Variants in NTNG1 observed in about 807,000 individuals in gnomAD.
The protein encoded by NTNG1 is netrin-G1.
NTNG1 carries 16 observed loss-of-function variants against 54.0 expected under a neutral mutation model. The observed-to-expected ratio is 0.30, with a 90% CI of 0.20 to 0.45. The LOEUF is 0.45. Ranked by LOEUF, NTNG1 falls within the 20% of genes least tolerant of loss-of-function variation. The probability of loss-of-function intolerance (pLI) is 1.00; values close to 1 mark genes in which losing one functional copy is unlikely to be tolerated. For missense variants in NTNG1, 530 were observed against 678.7 expected (o/e 0.78, Z 2.43); for synonymous variants, 255 against 263.1 (o/e 0.97, Z 0.30).
chr1:107,421,591 T>C (rs190911798), intron 5 of NTNG1, among the ~76,000 whole-genome samples: 48 of 152,178 alleles, frequency 3.2e-4, no homozygotes, highest in Non-Finnish European at 1.5e-4. Flanking sequence ...TTCCAAAAAA[T>C]TGTTTCGAAT....
intron 2 of NTNG1, among the ~76,000 whole-genome samples, chr1:107,242,915 G>A (rs1022060163): frequency 6.6e-6 from 1 of 152,212 alleles, no homozygotes. Context: ...CCTTATTTGA[G>A]AAGAAATAAT....
intron 3 of NTNG1, among the ~76,000 whole-genome samples, chr1:107,380,940 A>T (rs1436118569): frequency 6.6e-6 from 1 of 152,184 alleles, no homozygotes; most frequent in East Asian, 1.9e-4. Flanking sequence ...AGAAAATCTG[A>T]TGACCCTGGA....
intron 7 of NTNG1, among the ~76,000 whole-genome samples, chr1:107,439,012 G>A (rs900266008): frequency 8.5e-5 from 13 of 152,252 alleles, no homozygotes; most frequent in Middle Eastern, 6.8e-3. Context: ...CTAATGGTAG[G>A]GCACAGAAGG....
At chr1:107,352,365 G>T (rs1451716787) in intron 3 of NTNG1, among the ~76,000 whole-genome samples, 3 of 152,018 alleles carry the variant, frequency 2.0e-5, no homozygotes, top group African/African-American at 7.3e-5. Flanking sequence ...CTGAAATCTA[G>T]GCTTTTCCTG....
intron 5 of NTNG1, chr1:107,409,933 G>A (rs1322076750): frequency 6.6e-6 from 1 of 152,114 alleles, no homozygotes; most frequent in Non-Finnish European, 1.5e-5. Context: ...TGCACTCGTG[G>A]ATTCCTTTCC....
rs140294739 is a variant in NTNG1, at chr1:107,270,915, A to T, written c.247-53367A>T. ...AGCACTCTCTCCAGAACAATACACA[A>T]CATATAGGATGATTCTGATGATAAA... is the stretch of plus-strand genomic sequence containing the variant. On this transcript the variant is annotated intron_variant, in intron 2 of 7. Transcript: ENST00000370068. 3.4e-4 allele frequency among the ~76,000 whole-genome samples: 52 copies of T among 152,242 alleles called. No individual in the cohort carries two copies. The East Asian group carries it at 9.6e-3, about 28-fold the overall frequency.
intron 1 of NTNG1, among the ~76,000 whole-genome samples, chr1:107,144,930 G>A (rs1235455969): frequency 6.6e-6 from 1 of 152,028 alleles, no homozygotes; most frequent in Non-Finnish European, 1.5e-5. Context: ...AAGTGAAGAG[G>A]TAGAACTGGA....
chr1:107,457,709 TAC>T (rs1319636333), intron 7 of NTNG1, among the ~76,000 whole-genome samples: 1 of 152,152 alleles, frequency 6.6e-6, no homozygotes, highest in Non-Finnish European at 1.5e-5. Context: ...GTTTGAATCA[TAC>T]ATAAGCCACT....
Position 107,482,282 on chromosome 1 carries a change from G to A in NTNG1, c.*1442G>A, listed in dbSNP as rs946067486. ...GAACCAGGAAGGGAGCAGGGAAATTGAGTGATTTGCAATTTGACTTTGAAT... is the reference window on the plus strand; with the variant it reads ...GAACCAGGAAGGGAGCAGGGAAATTAAGTGATTTGCAATTTGACTTTGAAT... On this transcript the variant is annotated 3_prime_UTR_variant, in exon 8 of 8. Transcript: ENST00000370068. 2.0e-5 allele frequency: 3 copies of A among 152,164 alleles called. No individual in the cohort carries two copies. The highest frequency in any genetic ancestry group is 4.4e-5 in the Non-Finnish European group (3 of 68,030). 9.4% of individuals were successfully genotyped at this position (152,164 alleles called of 1,614,324 possible).
intron 7 of NTNG1, among the ~76,000 whole-genome samples, chr1:107,439,095 T>C (rs549066068): frequency 6.6e-6 from 1 of 152,236 alleles, no homozygotes; most frequent in South Asian, 2.1e-4. Context: ...ACAATTACGA[T>C]AGAAGGTAAT....
intron 2 of NTNG1, among the ~76,000 whole-genome samples, chr1:107,268,666 A>G (rs1042856182): frequency 1.3e-5 from 2 of 152,148 alleles, no homozygotes; most frequent in African/African-American, 4.8e-5. Context: ...ACTGAACTCC[A>G]GAGTTACTAC....
At chr1:107,251,888 T>C (rs1662630608) in intron 2 of NTNG1, among the ~76,000 whole-genome samples, 1 of 152,190 alleles carries the variant, frequency 6.6e-6, no homozygotes, top group African/African-American at 2.4e-5. Context: ...GTTCCTATAA[T>C]CTGTGGGCTC....
At chr1:107,214,213 AC>A (rs1659788628) in intron 2 of NTNG1, among the ~76,000 whole-genome samples, 1 of 152,058 alleles carries the variant, frequency 6.6e-6, no homozygotes, top group Non-Finnish European at 1.5e-5. Flanking sequence ...GATTTGGTGC[AC>A]CCATCATCTG....
At chr1:107,188,850 G>A (rs1657670156) in intron 2 of NTNG1, among the ~76,000 whole-genome samples, 1 of 152,086 alleles carries the variant, frequency 6.6e-6, no homozygotes, top group African/African-American at 2.4e-5. Flanking sequence ...GATTACAAAT[G>A]TAGGGATCAA....
chr1:107,409,594 A>C (rs924349054), intron 5 of NTNG1: 1 of 152,104 alleles, frequency 6.6e-6, no homozygotes, highest in Non-Finnish European at 1.5e-5. Flanking sequence ...TGTGCCTTTG[A>C]AAAAAATATA....
intron 3 of NTNG1, among the ~76,000 whole-genome samples, chr1:107,380,859 T>C (rs1344537119): frequency 6.6e-6 from 1 of 152,062 alleles, no homozygotes; most frequent in Non-Finnish European, 1.5e-5. Flanking sequence ...CTGTTAAATA[T>C]AAAACAAAAC....
At chr1:107,261,871 TA>T (rs1663370002) in intron 2 of NTNG1, among the ~76,000 whole-genome samples, 1 of 152,038 alleles carries the variant, frequency 6.6e-6, no homozygotes, top group African/African-American at 2.4e-5. Context: ...AAAAAAACGA[TA>T]ACAACTATAT....
At chr1:107,386,165 AT>A (rs71098628) in intron 3 of NTNG1, among the ~76,000 whole-genome samples, 22,847 of 120,580 alleles carry the variant, frequency 0.19, 2,232 homozygotes, top group South Asian at 0.3. Flanking sequence ...ATATATATAT[AT>A]TTTTTTTTTT....
At chr1:107,152,375 A>G (rs556876687) in intron 2 of NTNG1, among the ~76,000 whole-genome samples, 20 of 152,306 alleles carry the variant, frequency 1.3e-4, no homozygotes, top group Middle Eastern at 3.4e-3. Context: ...AGCAGAGAGG[A>G]TGATCTGAAC....
Sources: gnomAD v4.1 joint callset for allele counts (sites outside exome capture counted in the v4.1 genomes callset) on GRCh38, gnomAD v4.1.1 for gene constraint, MANE v1.5 for transcripts, NCBI Gene and HGNC (gene_info 2026-07-23, HGNC 2026-07-21) for gene names.